Variants in EPB41L2 observed in about 807,000 individuals in gnomAD.
EPB41L2 encodes band 4.1-like protein 2.
EPB41L2 carries 43 observed loss-of-function variants against 113.0 expected under a neutral mutation model. That is an observed-to-expected ratio of 0.38 (90% CI 0.30 to 0.49). EPB41L2 has a LOEUF of 0.49. Among genes scored for constraint, EPB41L2 ranks in the 20% least tolerant of loss-of-function variants. The pLI, the probability that EPB41L2 is intolerant of heterozygous loss-of-function variation, is 0.95. For synonymous variants in EPB41L2, 442 were observed against 436.7 expected (o/e 1.01, Z -0.15); for missense variants, 1,147 against 1,223.4 (o/e 0.94, Z 0.93).
chr6:130,933,446 T>C (rs941627466), intron 3 of EPB41L2, among the ~76,000 whole-genome samples: 1 of 152,188 alleles, frequency 6.6e-6, no homozygotes. Flanking sequence ...TCCCTAACCC[T>C]ACTTATACCA....
intron 5 of EPB41L2, among the ~76,000 whole-genome samples, chr6:130,908,022 C>A (rs1798231443): frequency 6.6e-6 from 1 of 152,172 alleles, no homozygotes; most frequent in African/African-American, 2.4e-5. Flanking sequence ...AGCTGCCTAC[C>A]TTCTCTGCTT....
At chr6:130,885,041 T>C in intron 12 of EPB41L2, 55 bp downstream of exon 12, 2 of 1,572,490 alleles carry the variant, frequency 1.3e-6, no homozygotes, top group Middle Eastern at 1.7e-4. Context: ...ATACAACAGA[T>C]ACCCTCTAGG....
chr6:130,901,581 A>T (rs972849731), intron 6 of EPB41L2, among the ~76,000 whole-genome samples: 1 of 152,122 alleles, frequency 6.6e-6, no homozygotes, highest in Non-Finnish European at 1.5e-5. Context: ...AGCTAAGGTC[A>T]CCCACCCTTT....
intron 8 of EPB41L2, among the ~76,000 whole-genome samples, chr6:130,896,715 G>A (rs1295098226): frequency 6.6e-6 from 1 of 152,170 alleles, no homozygotes. Flanking sequence ...AGAGGAAAAG[G>A]CAGGCCTTGA....
chr6:130,970,886 A>T (rs2128655292), intron 1 of EPB41L2, among the ~76,000 whole-genome samples: 1 of 151,834 alleles, frequency 6.6e-6, no homozygotes, highest in East Asian at 1.9e-4. Context: ...TACTTTTTAA[A>T]TTTTCTTACT....
chr6:130,896,034 A>C (rs1326151114), intron 8 of EPB41L2, among the ~76,000 whole-genome samples: 1 of 152,236 alleles, frequency 6.6e-6, no homozygotes, highest in Non-Finnish European at 1.5e-5. Context: ...TCACATTTTC[A>C]GAAATCACAA....
At chr6:130,921,418 T>C (rs1460247862) in intron 4 of EPB41L2, among the ~76,000 whole-genome samples, 2 of 152,150 alleles carry the variant, frequency 1.3e-5, no homozygotes, top group Non-Finnish European at 2.9e-5. Flanking sequence ...TAAAACAGTG[T>C]GCTCATGAGA....
chr6:131,029,876 C>CA (rs1386376248), intron 1 of EPB41L2, among the ~76,000 whole-genome samples: 2 of 148,724 alleles, frequency 1.3e-5, no homozygotes, highest in South Asian at 4.3e-4. Context: ...CAATGGAATC[C>CA]TCAAGGGAGG....
At chr6:130,858,835 G>C (rs79611502) in intron 18 of EPB41L2, among the ~76,000 whole-genome samples, 7,143 of 152,334 alleles carry the variant, frequency 0.047, 232 homozygotes, top group East Asian at 0.12. Flanking sequence ...GAACTAAAGA[G>C]CAGTAGCAAC....
At position 130,906,466 on chromosome 6, in the gene EPB41L2, A is replaced by T. The variant is rs149036206; in HGVS notation, c.854-1926T>A. On this transcript the variant is annotated intron_variant, in intron 5 of 19. Transcript: ENST00000337057. ...TATTTTTGCAGTGAGAGCACTTAAA[A>T]TCTACTCCCTTAGCAGTTTTCAAGT... is the stretch of plus-strand genomic sequence containing the variant. Among the ~76,000 whole-genome samples, 32 of 152,328 alleles carry T rather than the reference A, an allele frequency of 2.1e-4. No homozygotes were observed. In the East Asian group the frequency reaches 5.8e-3, roughly 28 times the overall value.
intron 1 of EPB41L2, among the ~76,000 whole-genome samples, chr6:131,039,819 TACTC>T (rs1269873946): frequency 1.3e-5 from 2 of 150,380 alleles, no homozygotes; most frequent in African/African-American, 2.5e-5. Flanking sequence ...TCAAAAATGA[TACTC>T]AAAAAGAGAA....
intron 1 of EPB41L2, among the ~76,000 whole-genome samples, chr6:131,059,553 T>A (rs1798278569): frequency 6.6e-6 from 1 of 152,196 alleles, no homozygotes; most frequent in African/African-American, 2.4e-5. Context: ...AATATCAAGT[T>A]GCTGGTTTAT....
At chr6:131,046,890 T>C (rs1414630149) in intron 1 of EPB41L2, among the ~76,000 whole-genome samples, 1 of 152,190 alleles carries the variant, frequency 6.6e-6, no homozygotes, top group African/African-American at 2.4e-5. Context: ...AATAGTGTAG[T>C]ATTGGCTCTG....
chr6:130,980,485 C>G (rs1004557331), intron 1 of EPB41L2, among the ~76,000 whole-genome samples: 1 of 150,260 alleles, frequency 6.7e-6, no homozygotes, highest in Non-Finnish European at 1.5e-5. Flanking sequence ...ATCCTGACCC[C>G]ACAGGCCAAA....
chr6:130,944,126 T>C (rs1002681727), intron 3 of EPB41L2, among the ~76,000 whole-genome samples: 4 of 147,306 alleles, frequency 2.7e-5, no homozygotes, highest in Non-Finnish European at 4.5e-5. Context: ...GCAGTCGCAA[T>C]GATGAGGGTG....
intron 1 of EPB41L2, among the ~76,000 whole-genome samples, chr6:131,034,329 C>T (rs1792850539): frequency 1.3e-5 from 2 of 152,132 alleles, no homozygotes; most frequent in Non-Finnish European, 2.9e-5. Flanking sequence ...AAAAATTGGT[C>T]AGGTGTAGTG....
At chr6:130,882,859 A>G (rs1357021770) in intron 12 of EPB41L2, 1 of 152,780 alleles carries the variant, frequency 6.5e-6, no homozygotes, top group Non-Finnish European at 1.5e-5. Flanking sequence ...AGAAGTAACC[A>G]AACTCAGAAT....
At chr6:130,981,323 G>A (rs931615690) in intron 1 of EPB41L2, among the ~76,000 whole-genome samples, 2 of 152,004 alleles carry the variant, frequency 1.3e-5, no homozygotes, top group African/African-American at 4.8e-5. Context: ...TTTGGGGAGG[G>A]GTGTTTTGTT....
chr6:130,967,027 C>T (rs1300469693), intron 1 of EPB41L2, among the ~76,000 whole-genome samples: 1 of 152,150 alleles, frequency 6.6e-6, no homozygotes, highest in Non-Finnish European at 1.5e-5. Context: ...AAGCTCAACA[C>T]CCAAGCTTTT....
Sources: allele counts gnomAD v4.1 joint callset (sites outside exome capture counted in the v4.1 genomes callset), GRCh38; gene constraint gnomAD v4.1.1; transcripts MANE v1.5; gene names NCBI Gene and HGNC (gene_info 2026-07-23, HGNC 2026-07-21).